Variants in NFIB observed in about 807,000 individuals in gnomAD.
The protein encoded by NFIB is nuclear factor I B.
NFIB carries 11 observed loss-of-function variants against 61.5 expected under a neutral mutation model. The ratio of observed to expected loss-of-function variants is 0.18; its 90% CI spans 0.11 to 0.30. The LOEUF (loss-of-function observed/expected upper bound fraction) is 0.30, where lower values mean the gene tolerates loss of function less well. Ranked by LOEUF, NFIB falls within the 10% of genes least tolerant of loss-of-function variation. The pLI is 1.00. For missense variants in NFIB, 471 were observed against 608.9 expected (o/e 0.77, Z 2.38); for synonymous variants, 260 against 216.5 (o/e 1.20, Z -1.76).
At chr9:14,174,720 T>A (rs2045955974) in intron 3 of NFIB, among the ~76,000 whole-genome samples, 2 of 142,650 alleles carry the variant, frequency 1.4e-5, no homozygotes, top group African/African-American at 5.4e-5. Context: ...TGAGCCGAGA[T>A]CACGCCACTG....
Position 14,086,639 on chromosome 9 carries a change from T to A in NFIB, c.*1670A>T, listed in dbSNP as rs947234122. ...GCTTTATAAATGTGAGATAAAGGTA[T>A]AACTGTCTAAAAAATCCATGATGTC... On this transcript the variant is annotated 3_prime_UTR_variant, in exon 11 of 11. Transcript: ENST00000380953. 1.4e-5 allele frequency: 3 copies of A among 217,176 alleles called. No individual in the cohort carries two copies. The East Asian group carries it at 2.0e-4, about 15-fold the overall frequency. The allele number at this position is 217,176 out of a possible 1,614,324, so 13.5% of individuals were successfully genotyped here.
chr9:14,140,710 G>A (rs2041596112), intron 6 of NFIB, among the ~76,000 whole-genome samples: 1 of 152,132 alleles, frequency 6.6e-6, no homozygotes, highest in Admixed American at 6.6e-5. Flanking sequence ...CAGGTAGGAG[G>A]ATCAGTTGAG....
chr9:14,233,849 C>G (rs1375973042), intron 2 of NFIB, among the ~76,000 whole-genome samples: 2 of 152,190 alleles, frequency 1.3e-5, no homozygotes, highest in Admixed American at 6.5e-5. Context: ...TAATTCTAGT[C>G]TATCAATTTT....
At chr9:14,213,041 C>T (rs10961428) in intron 2 of NFIB, among the ~76,000 whole-genome samples, 69,198 of 152,136 alleles carry the variant, frequency 0.45, 18,215 homozygotes, top group African/African-American at 0.72. Context: ...AAAAATTATA[C>T]ATCAATCATG....
Position 14,313,324 on chromosome 9 carries a change from C to A in NFIB, c.30+158G>T, listed in dbSNP as rs1040801473. On this transcript the variant is annotated intron_variant, in intron 1 of 10. Transcript: ENST00000380953. The surrounding 1 kb of genome is among the most constrained non-coding windows in gnomAD (Gnocchi z 4.5). ...CCGTGGCGAGGGGCCGCTCCCGGCTCCCACGCCGCCCCGCGACGCCCGCTG... is the reference window on the plus strand; with the variant it reads ...CCGTGGCGAGGGGCCGCTCCCGGCTACCACGCCGCCCCGCGACGCCCGCTG... Among the ~76,000 whole-genome samples the A allele has an allele frequency of 9.9e-5, 15 of 151,772 alleles. No individual in the cohort carries two copies. The highest frequency in any genetic ancestry group is 9.2e-4 in the Admixed American group (14 of 15,220).
chr9:14,140,338 T>C (rs2041544321), intron 6 of NFIB, among the ~76,000 whole-genome samples: 1 of 152,172 alleles, frequency 6.6e-6, no homozygotes. Flanking sequence ...ATCTTGAGAT[T>C]ATATCATTTG....
intron 2 of NFIB, among the ~76,000 whole-genome samples, chr9:14,222,927 C>T (rs886652399): frequency 1.3e-5 from 2 of 152,022 alleles, no homozygotes; most frequent in Non-Finnish European, 2.9e-5. Flanking sequence ...TCCCTCAAGA[C>T]ATTACCTGGA....
At chr9:14,459,990 C>T in the NFIB span, among the ~76,000 whole-genome samples, 8 of 152,036 alleles carry the variant, frequency 5.3e-5, no homozygotes, top group African/African-American at 1.9e-4. Context: ...ACTAGAAATA[C>T]CATTTGACCC....
intron 10 of NFIB, among the ~76,000 whole-genome samples, chr9:14,090,542 C>T (rs553040878): frequency 3.9e-5 from 6 of 152,156 alleles, no homozygotes; most frequent in East Asian, 1.9e-4. Flanking sequence ...ACAGAGAAAA[C>T]GACCTAGTCA....
At chr9:14,112,240 G>T (rs929293486) in intron 10 of NFIB, among the ~76,000 whole-genome samples, 1 of 152,194 alleles carries the variant, frequency 6.6e-6, no homozygotes, top group Admixed American at 6.5e-5. Context: ...GAACTGTTTA[G>T]AATTACGTCT....
chr9:14,439,718 G>C, the NFIB span, among the ~76,000 whole-genome samples: 2 of 152,160 alleles, frequency 1.3e-5, no homozygotes, highest in South Asian at 2.1e-4. Context: ...TTGGACACCA[G>C]ATGGGCCAGA....
At chr9:14,531,091 T>C in the NFIB span, among the ~76,000 whole-genome samples, 2 of 152,184 alleles carry the variant, frequency 1.3e-5, no homozygotes, top group East Asian at 1.9e-4. Context: ...ATTTATCATG[T>C]AGCACTTTTT....
intron 2 of NFIB, among the ~76,000 whole-genome samples, chr9:14,266,048 G>A (rs2057174256): frequency 6.6e-6 from 1 of 152,016 alleles, no homozygotes; most frequent in African/African-American, 2.4e-5. Flanking sequence ...ACAGTAAAAA[G>A]GTCCTGAGGG....
upstream of NFIB, among the ~76,000 whole-genome samples, chr9:14,316,480 C>G (rs1029894090): frequency 2.8e-4 from 43 of 152,260 alleles, no homozygotes; most frequent in Non-Finnish European, 5.0e-4. Flanking sequence ...CCTGCGGTCC[C>G]CGCCCCTGCC....
the NFIB span, among the ~76,000 whole-genome samples, chr9:14,459,389 T>C: frequency 6.6e-6 from 1 of 152,182 alleles, no homozygotes; most frequent in African/African-American, 2.4e-5. Flanking sequence ...AAGACTTACA[T>C]GTTAGACCTA....
At chr9:14,115,888 T>C (rs896091418) in intron 9 of NFIB, among the ~76,000 whole-genome samples, 2 of 152,238 alleles carry the variant, frequency 1.3e-5, no homozygotes, top group Non-Finnish European at 2.9e-5. Context: ...TGCGTTATGT[T>C]ACTCAGTGCA....
intron 1 of NFIB, among the ~76,000 whole-genome samples, chr9:14,346,961 G>A (rs1256947651): frequency 6.6e-6 from 1 of 151,886 alleles, no homozygotes; most frequent in African/African-American, 2.4e-5. Context: ...CCGAGCTCCC[G>A]CACGAATTAG....
chr9:14,515,752 G>A, the NFIB span, among the ~76,000 whole-genome samples: 1 of 152,190 alleles, frequency 6.6e-6, no homozygotes, highest in Non-Finnish European at 1.5e-5. Flanking sequence ...TGACTCAGTG[G>A]GTTGGGGGTG....
At chr9:14,117,866 A>C (rs2038371681) in intron 8 of NFIB, among the ~76,000 whole-genome samples, 1 of 152,098 alleles carries the variant, frequency 6.6e-6, no homozygotes, top group Admixed American at 6.6e-5. Context: ...ATTAATCTCA[A>C]AATTGCTGTG....
Sources: gnomAD v4.1 joint callset for allele counts (sites outside exome capture counted in the v4.1 genomes callset) on GRCh38, gnomAD v4.1.1 for gene constraint, Gnocchi (gnomAD v3.1) non-coding constraint, MANE v1.5 for transcripts, NCBI Gene and HGNC (gene_info 2026-07-23, HGNC 2026-07-21) for gene names.